Variants in GRIK2 observed in about 807,000 individuals in gnomAD.
The protein encoded by GRIK2 is glutamate ionotropic receptor kainate type subunit 2.
A neutral mutation model predicts 100.3 loss-of-function variants in GRIK2; 32 were observed. The observed-to-expected ratio is 0.32, with a 90% CI of 0.24 to 0.43. The LOEUF is 0.43. Among genes scored for constraint, GRIK2 ranks in the 20% least tolerant of loss-of-function variants. The pLI, the probability that GRIK2 is intolerant of heterozygous loss-of-function variation, is 1.00. For synonymous variants in GRIK2, 417 were observed against 389.4 expected (o/e 1.07, Z -0.83); for missense variants, 843 against 1,114.9 (o/e 0.76, Z 3.47).
intron 9 of GRIK2, among the ~76,000 whole-genome samples, chr6:101,807,501 G>A (rs1434417063): frequency 6.6e-6 from 1 of 151,962 alleles, no homozygotes; most frequent in Non-Finnish European, 1.5e-5. Context: ...TACAGGAAGG[G>A]AGACAGCCTT....
chr6:101,719,362 T>C (rs975456936), intron 7 of GRIK2, among the ~76,000 whole-genome samples: 1 of 151,912 alleles, frequency 6.6e-6, no homozygotes, highest in Non-Finnish European at 1.5e-5. Flanking sequence ...TAACAAAATA[T>C]ACTTTCACTG....
chr6:101,983,106 C>G (rs528540884), intron 14 of GRIK2, among the ~76,000 whole-genome samples: 1 of 151,744 alleles, frequency 6.6e-6, no homozygotes, highest in African/African-American at 2.4e-5. Context: ...TTATTATCAA[C>G]GAGCTTGAAC....
intron 2 of GRIK2, among the ~76,000 whole-genome samples, chr6:101,513,127 G>T (rs1774403900): frequency 6.6e-6 from 1 of 152,096 alleles, no homozygotes; most frequent in Admixed American, 6.6e-5. Context: ...TTGGGGTGCA[G>T]CTTGGTTTTA....
chr6:102,037,590 A>G (rs1770338378), intron 15 of GRIK2, among the ~76,000 whole-genome samples: 1 of 150,640 alleles, frequency 6.6e-6, no homozygotes, highest in African/African-American at 2.4e-5. Flanking sequence ...TGTTATTCCA[A>G]TATTATGTAC....
intron 9 of GRIK2, among the ~76,000 whole-genome samples, chr6:101,803,653 T>C (rs909910074): frequency 6.6e-6 from 1 of 151,880 alleles, no homozygotes; most frequent in African/African-American, 2.4e-5. Flanking sequence ...ACTGGAGATG[T>C]TATTACTTTA....
At chr6:101,899,133 G>A (rs1222350359) in intron 12 of GRIK2, among the ~76,000 whole-genome samples, 1 of 149,086 alleles carries the variant, frequency 6.7e-6, no homozygotes, top group Non-Finnish European at 1.5e-5. Context: ...AAATATCGTG[G>A]CTGTCCTAAA....
At chr6:101,503,166 C>A (rs1273845632) in intron 2 of GRIK2, among the ~76,000 whole-genome samples, 1 of 152,038 alleles carries the variant, frequency 6.6e-6, no homozygotes, top group African/African-American at 2.4e-5. Flanking sequence ...AAGTCAAATA[C>A]CTTAAGTGTT....
intron 7 of GRIK2, among the ~76,000 whole-genome samples, chr6:101,752,437 G>A (rs1467678868): frequency 3.3e-5 from 5 of 152,044 alleles, no homozygotes; most frequent in Admixed American, 3.3e-4. Context: ...TGTAATACAG[G>A]CACTGTGGTA....
chr6:101,964,483 T>C (rs1582629121), intron 14 of GRIK2, among the ~76,000 whole-genome samples: 2 of 152,080 alleles, frequency 1.3e-5, no homozygotes, highest in Non-Finnish European at 2.9e-5. Context: ...GACATGGGTG[T>C]TTACAGTGTG....
intron 15 of GRIK2, among the ~76,000 whole-genome samples, chr6:102,048,859 A>G (rs1771031661): frequency 6.6e-6 from 1 of 152,130 alleles, no homozygotes; most frequent in African/African-American, 2.4e-5. Context: ...TGAATAACTA[A>G]TGAATATAAA....
At chr6:101,708,554 T>C (rs1773494115) in intron 7 of GRIK2, among the ~76,000 whole-genome samples, 1 of 151,844 alleles carries the variant, frequency 6.6e-6, no homozygotes, top group East Asian at 1.9e-4. Context: ...ATTTACCTTC[T>C]TTTAAAATTA....
At chr6:101,962,813 A>G (rs1214233159) in intron 14 of GRIK2, among the ~76,000 whole-genome samples, 1 of 152,030 alleles carries the variant, frequency 6.6e-6, no homozygotes, top group African/African-American at 2.4e-5. Flanking sequence ...TATATTTTTT[A>G]TATCTAGTGA....
chr6:101,866,362 A>G (rs1785052841), intron 11 of GRIK2, among the ~76,000 whole-genome samples: 1 of 152,164 alleles, frequency 6.6e-6, no homozygotes, highest in African/African-American at 2.4e-5. Flanking sequence ...GCACCTATGC[A>G]AAAGCTTTTC....
At chr6:101,922,127 CCTT>C (rs746902260) in intron 12 of GRIK2, among the ~76,000 whole-genome samples, 5,044 of 39,484 alleles carry the variant, frequency 0.13, 364 homozygotes, top group African/African-American at 0.27. Flanking sequence ...TTCCTTCCTT[CCTT>C]CCTTCCTTCC....
intron 16 of GRIK2, among the ~76,000 whole-genome samples, chr6:102,062,801 A>G (rs1282841798): frequency 6.6e-6 from 1 of 150,686 alleles, no homozygotes; most frequent in Non-Finnish European, 1.5e-5. Context: ...ACAAGAAAAA[A>G]TTTAACGGGT....
intron 2 of GRIK2, among the ~76,000 whole-genome samples, chr6:101,476,880 C>A (rs185048524): frequency 2.6e-4 from 39 of 152,230 alleles, no homozygotes; most frequent in Middle Eastern, 3.4e-3. Context: ...GCAGTGGGAT[C>A]TTGGGTTAGC....
At position 101,532,912 on chromosome 6, in the gene GRIK2, G is replaced by C. The variant is rs555840283; in HGVS notation, c.116-89037G>C. Among the ~76,000 whole-genome samples the C allele has an allele frequency of 1.4e-3, 213 of 151,842 alleles. 1 individual carries two copies. Among genetic ancestry groups the C allele is most frequent in the African/African-American group, 5.0e-3 (206 of 41,480 alleles). On this transcript the variant is annotated intron_variant, in intron 2 of 16. Transcript: ENST00000369134. ...ATTTTTATATCTTTAGTGCTGTGCA[G>C]ATAGAATCATTCAATATATTTACAT...
intron 16 of GRIK2, among the ~76,000 whole-genome samples, chr6:102,056,256 A>G (rs1186787448): frequency 6.6e-6 from 1 of 151,982 alleles, no homozygotes; most frequent in Non-Finnish European, 1.5e-5. Flanking sequence ...ATTTGAATGC[A>G]GTCATTTGTA....
chr6:101,825,407 T>C (rs1230161353), intron 10 of GRIK2, among the ~76,000 whole-genome samples: 1 of 152,174 alleles, frequency 6.6e-6, no homozygotes, highest in African/African-American at 2.4e-5. Context: ...TATAAAACTA[T>C]TGATGGTGGT....
Sources: allele counts gnomAD v4.1 joint callset (sites outside exome capture counted in the v4.1 genomes callset), GRCh38; gene constraint gnomAD v4.1.1; transcripts MANE v1.5; gene names NCBI Gene and HGNC (gene_info 2026-07-23, HGNC 2026-07-21).